The following HEATR4 variants were observed in gnomAD, a reference collection of about 807,000 sequenced individuals.
HEATR4 encodes HEAT repeat-containing protein 4.
HEATR4 carries 95 observed loss-of-function variants against 108.8 expected under a neutral mutation model. The ratio of observed to expected loss-of-function variants is 0.87; its 90% CI spans 0.74 to 1.04. HEATR4 has a LOEUF of 1.04. Ranked by LOEUF, HEATR4 falls within the 50% of genes least tolerant of loss-of-function variation. The probability of loss-of-function intolerance (pLI) is 0.00; values close to 1 mark genes in which losing one functional copy is unlikely to be tolerated. For synonymous variants in HEATR4, 443 were observed against 459.4 expected (o/e 0.96, Z 0.46); for missense variants, 1,152 against 1,253.8 (o/e 0.92, Z 1.23).
chr14:73,569,553 G>A, the HEATR4 span: 1 of 1,603,334 alleles, frequency 6.2e-7, no homozygotes, highest in South Asian at 1.1e-5. Context: ...CGACGAGAAG[G>A]GCGCGCTTTT....
chr14:73,593,660 A>C, the HEATR4 span: 2 of 1,534,378 alleles, frequency 1.3e-6, no homozygotes, highest in Non-Finnish European at 1.8e-6. Context: ...CAAATTCTTT[A>C]AATTGTATAA....
At chr14:73,569,566 A>G in the HEATR4 span, 6 of 1,600,674 alleles carry the variant, frequency 3.7e-6, no homozygotes, top group Non-Finnish European at 5.1e-6. Context: ...GCGCTTTTCC[A>G]GGCCCACGCG....
the HEATR4 span, chr14:73,574,861 C>T: frequency 6.2e-7 from 1 of 1,613,242 alleles, no homozygotes; most frequent in Non-Finnish European, 8.5e-7. Context: ...CCATATTCCA[C>T]TGTTTGTGGA....
chr14:73,624,870 A>C, the HEATR4 span, among the ~76,000 whole-genome samples: 1 of 152,164 alleles, frequency 6.6e-6, no homozygotes, highest in African/African-American at 2.4e-5. Flanking sequence ...ACATATTTTA[A>C]TTTTCAAATA....
chr14:73,584,038 T>TC, the HEATR4 span, among the ~76,000 whole-genome samples: 1 of 151,736 alleles, frequency 6.6e-6, no homozygotes, highest in Admixed American at 6.6e-5. Flanking sequence ...GTATGACCTT[T>TC]CCAGGACACT....
chr14:73,633,072 T>C, the HEATR4 span, among the ~76,000 whole-genome samples: 3 of 145,624 alleles, frequency 2.1e-5, no homozygotes, highest in Non-Finnish European at 3.0e-5. Flanking sequence ...TGGCACAATA[T>C]CGGCTCACTG....
chr14:73,589,763 G>C, the HEATR4 span, among the ~76,000 whole-genome samples: 1 of 152,152 alleles, frequency 6.6e-6, no homozygotes, highest in Admixed American at 6.6e-5. Flanking sequence ...GACCCTCGCG[G>C]AGATGTTACA....
chr14:73,589,869 A>G, the HEATR4 span, among the ~76,000 whole-genome samples: 7 of 152,102 alleles, frequency 4.6e-5, no homozygotes, highest in Admixed American at 3.3e-4. Context: ...TTGCTGGCTC[A>G]GAAGTGAAGC....
Position 73,537,872 on chromosome 14 carries a change from C to G in HEATR4, c.-151-7628G>C. 2.5e-6 allele frequency: 3 copies of G among 1,196,422 alleles called. 1 individual carries two copies. The South Asian group carries it at 4.5e-5, about 18-fold the overall frequency. 74.1% of individuals were successfully genotyped at this position (1,196,422 alleles called of 1,614,324 possible). A position where few individuals can be genotyped will look rare whatever the true frequency, so the allele number is the denominator to read the frequency against. On this transcript the variant is annotated intron_variant, in intron 1 of 17. Coordinates refer to ENST00000553558, the MANE Select transcript of HEATR4 (RefSeq NM_001220484.1). ...CCGGGTGCGAGGCACGCTCTTCCTG[C>G]CGCCAGGTGACTCACCTCCGCTAAT...
intron 8 of HEATR4, 88 bp from the exon 9 acceptor site, chr14:73,508,382 C>G: frequency 9.1e-7 from 1 of 1,102,834 alleles, no homozygotes; most frequent in Non-Finnish European, 1.4e-6. Context: ...AAGGCTGCTA[C>G]CCCACCTGAT....
chr14:73,513,076 T>C (rs1887362776), intron 6 of HEATR4, among the ~76,000 whole-genome samples: 2 of 152,238 alleles, frequency 1.3e-5, no homozygotes, highest in Admixed American at 1.3e-4. Context: ...GCTGATACCA[T>C]AGTCAACTAT....
rs150150454 is a variant in HEATR4 at position 73,506,465 on chromosome 14, A to G, written c.1986+2T>C. The G allele has an allele frequency of 3.1e-6, 5 of 1,611,570 alleles. No individual in the cohort carries two copies. Among genetic ancestry groups the G allele is most frequent in the African/African-American group, 2.7e-5 (2 of 74,888 alleles). Reference sequence around the variant, plus strand: ...GTCCTGGAGGCAAAGAAAGAGGTTTACCAAGCAGACATTTCCACTGATCCG... The same window carrying G: ...GTCCTGGAGGCAAAGAAAGAGGTTTGCCAAGCAGACATTTCCACTGATCCG... On this transcript the variant is annotated splice_donor_variant, in intron 10 of 17. Coordinates refer to ENST00000553558, the MANE Select transcript of HEATR4 (RefSeq NM_001220484.1). LOFTEE classifies it high-confidence loss of function.
At chr14:73,559,591 A>G (rs1477026894), upstream of HEATR4, among the ~76,000 whole-genome samples, 2 of 151,740 alleles carry the variant, frequency 1.3e-5, no homozygotes, top group Admixed American at 1.3e-4. Context: ...TTAAAAAGAA[A>G]ATCACCTGGG....
At chr14:73,569,972 C>A in the HEATR4 span, 2 of 1,464,500 alleles carry the variant, frequency 1.4e-6, no homozygotes, top group African/African-American at 1.4e-5. Flanking sequence ...ATGTGTATGC[C>A]CCCCCGCCGC....
At chr14:73,568,706 T>A in the HEATR4 span, among the ~76,000 whole-genome samples, 4,300 of 151,946 alleles carry the variant, frequency 0.028, 139 homozygotes, top group Non-Finnish European at 0.045. Context: ...GATTACAAAG[T>A]CAGGAGTTTG....
rs1255809473 is a variant in HEATR4 at position 73,542,606 on chromosome 14, A to T, written c.-151-12362T>A. Among the ~76,000 whole-genome samples the T allele has an allele frequency of 2.8e-5, 3 of 107,464 alleles. 1 individual carries two copies. Among genetic ancestry groups the T allele is most frequent in the African/African-American group, 9.5e-5 (3 of 31,570 alleles). The allele number at this position is 107,464 out of a possible 152,430, so 70.5% of individuals were successfully genotyped here. The stretch of plus-strand genomic sequence containing the variant: ...TTTTTAGTAGAGACAGGGTTTCACC[A>T]TATTGGCCAGGCTGGTCTCGAACTC... On this transcript the variant is annotated intron_variant, in intron 1 of 17. Coordinates refer to ENST00000553558, the MANE Select transcript of HEATR4 (RefSeq NM_001220484.1).
At chr14:73,610,514 C>T in the HEATR4 span, among the ~76,000 whole-genome samples, 2 of 152,104 alleles carry the variant, frequency 1.3e-5, no homozygotes, top group Non-Finnish European at 2.9e-5. Flanking sequence ...TGGTCTCAAA[C>T]TCCTGACCCC....
chr14:73,552,321 C>T (rs1889336170), intron 1 of HEATR4, among the ~76,000 whole-genome samples: 1 of 92,802 alleles, frequency 1.1e-5, no homozygotes, highest in Admixed American at 1.3e-4. Context: ...CTCCCATCTC[C>T]TTGCTAGGTG....
intron 17 of HEATR4, 29 bp downstream of exon 17, chr14:73,493,036 CT>C (rs1885887625): frequency 6.3e-7 from 1 of 1,578,952 alleles, no homozygotes; most frequent in Admixed American, 1.8e-5. Context: ...ACGTTCTTAC[CT>C]TGATAAGCAT....
Sources: gnomAD v4.1 joint callset for allele counts (sites outside exome capture counted in the v4.1 genomes callset) on GRCh38, gnomAD v4.1.1 for gene constraint, MANE v1.5 for transcripts, NCBI Gene and HGNC (gene_info 2026-07-23, HGNC 2026-07-21) for gene names.